FGFR2: variants seen among roughly 807,000 people sequenced by gnomAD.
FGFR2 encodes the protein BEK fibroblast growth factor receptor.
FGFR2 carries 19 observed loss-of-function variants against 95.9 expected under a neutral mutation model. That is an observed-to-expected ratio of 0.20 (90% CI 0.14 to 0.29). The LOEUF (loss-of-function observed/expected upper bound fraction) is 0.29, where lower values mean the gene tolerates loss of function less well. FGFR2 is among the 10% of genes least tolerant of loss of function. FGFR2 has a pLI of 1.00. For missense variants in FGFR2, 707 were observed against 1,056.9 expected, an observed-to-expected ratio of 0.67 and a Z score of 4.59; for synonymous variants, 392 against 393.3, an observed-to-expected ratio of 1.00 and a Z score of 0.04.
chr10:121,577,208 C>G (rs7908575), intron 2 of FGFR2, among the ~76,000 whole-genome samples: 1,031 of 62,108 alleles, frequency 0.017, 18 homozygotes, highest in African/African-American at 0.055. Flanking sequence ...GAGAGAGAGA[C>G]ACCAAACAGA....
At position 121,593,894 on chromosome 10, in the gene FGFR2, G is replaced by T; in HGVS notation, c.-77C>A. On this transcript the variant is annotated 5_prime_UTR_variant, in exon 2 of 18. Coordinates refer to ENST00000358487, the MANE Select transcript of FGFR2 (RefSeq NM_000141.5). ...TCCCATCTGCACACTTCCTCTACGG[G>T]CATGGACTACGCGCAATGCCTTCAG... 1 of 1,366,860 alleles carries T rather than the reference G, an allele frequency of 7.3e-7. No homozygotes were observed. The highest frequency in any genetic ancestry group is 1.0e-6 in the Non-Finnish European group (1 of 956,218). The allele number at this position is 1,366,860 out of a possible 1,614,324, so 84.7% of individuals were successfully genotyped here.
intron 2 of FGFR2, among the ~76,000 whole-genome samples, chr10:121,585,614 C>T (rs180886637): frequency 1.3e-5 from 2 of 152,324 alleles, no homozygotes; most frequent in East Asian, 3.9e-4. Flanking sequence ...TAGAGAGATT[C>T]AAACCTACCT....
intron 13 of FGFR2, among the ~76,000 whole-genome samples, chr10:121,495,650 C>T (rs1010232799): frequency 1.3e-5 from 2 of 152,142 alleles, no homozygotes; most frequent in African/African-American, 4.8e-5. Flanking sequence ...ACTGGCATGG[C>T]CCCATGGAGA....
At chr10:121,563,525 T>TA (rs2135070125) in intron 4 of FGFR2, among the ~76,000 whole-genome samples, 1 of 152,252 alleles carries the variant, frequency 6.6e-6, no homozygotes, top group African/African-American at 2.4e-5. Context: ...TACAAACACT[T>TA]TAGGAACATT....
chr10:121,583,427 G>A (rs1038657934), intron 2 of FGFR2: 4 of 152,208 alleles, frequency 2.6e-5, no homozygotes, highest in African/African-American at 9.7e-5. Context: ...ATGCATCAAC[G>A]GGCAACAGAG....
intron 2 of FGFR2, among the ~76,000 whole-genome samples, chr10:121,575,771 G>A (rs565679441): frequency 2.6e-5 from 4 of 151,862 alleles, no homozygotes; most frequent in South Asian, 2.1e-4. Flanking sequence ...CAGGAGAATC[G>A]CTTAAACCAG....
chr10:121,501,003 G>A (rs919215578), intron 10 of FGFR2, 56 bp from the exon 11 acceptor site: 18 of 1,607,996 alleles, frequency 1.1e-5, no homozygotes, highest in Non-Finnish European at 1.4e-5. Context: ...GTGTAGTGAG[G>A]GAAATTCCAG....
chr10:121,509,121 A>G (rs1241624677), intron 9 of FGFR2, among the ~76,000 whole-genome samples: 7 of 152,196 alleles, frequency 4.6e-5, no homozygotes, highest in African/African-American at 1.4e-4. Flanking sequence ...AATCTTCCTT[A>G]TTCTTCAATT....
intron 2 of FGFR2, among the ~76,000 whole-genome samples, chr10:121,587,793 AG>A (rs1862054366): frequency 6.6e-6 from 1 of 152,260 alleles, no homozygotes; most frequent in East Asian, 1.9e-4. Context: ...TACTGTTAGT[AG>A]GAGTGCAAAT....
In FGFR2 at chr10:121,489,862, G is replaced by A. The variant is rs369672599; in HGVS notation, c.1864-1749C>T. Reference sequence around the variant, plus strand: ...TCCCCCTGAGACTTCCACACTGCCCGTCTAGCGGGTCTCTACGCTTCCAAA... The same window carrying A: ...TCCCCCTGAGACTTCCACACTGCCCATCTAGCGGGTCTCTACGCTTCCAAA... On this transcript the variant is annotated intron_variant, in intron 13 of 17. Transcript: ENST00000358487. 7.9e-5 allele frequency among the ~76,000 whole-genome samples: 12 copies of A among 152,212 alleles called. No homozygotes were observed. In the East Asian group the frequency reaches 9.7e-4, roughly 12 times the overall value.
chr10:121,586,036 CT>C (rs1439817277), intron 2 of FGFR2, among the ~76,000 whole-genome samples: 1 of 152,198 alleles, frequency 6.6e-6, no homozygotes, highest in Non-Finnish European at 1.5e-5. Context: ...GTACACCCCC[CT>C]GAGCACATAC....
chr10:121,540,789 C>T (rs976573526), intron 5 of FGFR2, among the ~76,000 whole-genome samples: 1 of 152,214 alleles, frequency 6.6e-6, no homozygotes. Flanking sequence ...AAATGTCATG[C>T]CCATAAGCCC....
rs553855168 is a variant in FGFR2, at chr10:121,561,349, G to A, written c.454+3153C>T. 3.6e-4 allele frequency among the ~76,000 whole-genome samples: 55 copies of A among 151,584 alleles called. No homozygotes were observed. The South Asian group carries it at 0.011, about 31-fold the overall frequency. ...TGAGGCAGGAGAATTGCTTGAACCCGGGAGGCAGGGGCTGCGGTGAGCTGA... is the reference window on the plus strand; with the variant it reads ...TGAGGCAGGAGAATTGCTTGAACCCAGGAGGCAGGGGCTGCGGTGAGCTGA... On this transcript the variant is annotated intron_variant, in intron 4 of 17. Coordinates refer to ENST00000358487, the MANE Select transcript of FGFR2 (RefSeq NM_000141.5).
intron 2 of FGFR2, among the ~76,000 whole-genome samples, chr10:121,586,167 G>A (rs1173520914): frequency 6.6e-6 from 1 of 152,176 alleles, no homozygotes; most frequent in East Asian, 1.9e-4. Flanking sequence ...GTCACATATA[G>A]TAATATAGGA....
At chr10:121,592,115 C>T (rs3135725) in intron 2 of FGFR2, among the ~76,000 whole-genome samples, 1,666 of 152,296 alleles carry the variant, frequency 0.011, 13 homozygotes, top group Non-Finnish European at 0.018. Context: ...TCCTAAAGCC[C>T]ACACCGTAGG....
At chr10:121,529,687 G>A (rs1415366376) in intron 6 of FGFR2, among the ~76,000 whole-genome samples, 1 of 152,146 alleles carries the variant, frequency 6.6e-6, no homozygotes, top group Non-Finnish European at 1.5e-5. Context: ...TAATCCAGAG[G>A]CTTTGAGAAA....
Position 121,497,099 on chromosome 10 carries a change from G to C in FGFR2, c.1673-377C>G, listed in dbSNP as rs61876365. Among the ~76,000 whole-genome samples the C allele has an allele frequency of 1.6e-3, 214 of 137,720 alleles. 1 individual carries two copies. Among genetic ancestry groups the C allele is most frequent in the African/African-American group, 5.1e-3 (188 of 36,968 alleles). 90.3% of individuals were successfully genotyped at this position (137,720 alleles called of 152,430 possible). ...TGAGCCGAGATCACACCACTGCACT[G>C]CAGCCTAGGCAACAGAGCGAGACTT... On this transcript the variant is annotated intron_variant, in intron 12 of 17. Transcript: ENST00000358487.
At chr10:121,571,042 G>A (rs1327812329) in intron 2 of FGFR2, among the ~76,000 whole-genome samples, 2 of 151,574 alleles carry the variant, frequency 1.3e-5, no homozygotes, top group East Asian at 3.9e-4. Flanking sequence ...AGGCTGGAGT[G>A]CAGTGGCGCG....
chr10:121,526,998 C>T (rs1851469494), intron 6 of FGFR2: 1 of 369,892 alleles, frequency 2.7e-6, no homozygotes, highest in South Asian at 1.5e-4. Flanking sequence ...TGTCCTCCCT[C>T]CAGCACTAAA....
Sources: gnomAD v4.1 joint callset for allele counts (sites outside exome capture counted in the v4.1 genomes callset) on GRCh38, gnomAD v4.1.1 for gene constraint, MANE v1.5 for transcripts, NCBI Gene and HGNC (gene_info 2026-07-23, HGNC 2026-07-21) for gene names.